THRB: variants seen among roughly 807,000 people sequenced by gnomAD.
The protein encoded by THRB is nuclear receptor subfamily 1 group A member 2.
In THRB, 12 loss-of-function variants were observed where a neutral mutation model predicts 47.8. The observed-to-expected ratio is 0.25, with a 90% CI of 0.16 to 0.41. The LOEUF is 0.41. Among genes scored for constraint, THRB ranks in the 10% least tolerant of loss-of-function variants. THRB has a pLI of 1.00. For synonymous variants in THRB, 218 were observed against 212.2 expected, an observed-to-expected ratio of 1.03 and a Z score of -0.24; for missense variants, 348 against 589.2, an observed-to-expected ratio of 0.59 and a Z score of 4.24.
chr3:24,493,057 CTT>C (rs1383435567), intron 1 of THRB, among the ~76,000 whole-genome samples: 4 of 152,204 alleles, frequency 2.6e-5, no homozygotes, highest in African/African-American at 9.6e-5. Flanking sequence ...TCACCAATGT[CTT>C]TGTATAAAAC....
At chr3:24,405,799 C>T (rs897823311) in intron 1 of THRB, among the ~76,000 whole-genome samples, 4 of 151,388 alleles carry the variant, frequency 2.6e-5, no homozygotes, top group African/African-American at 9.7e-5. Flanking sequence ...ATTTCAGTTG[C>T]ATTAAATTGT....
intron 2 of THRB, among the ~76,000 whole-genome samples, chr3:24,302,512 C>T (rs1304186727): frequency 6.6e-6 from 1 of 152,274 alleles, no homozygotes; most frequent in East Asian, 1.9e-4. Flanking sequence ...TGTCTCAAGG[C>T]CTTTGAACTT....
chr3:24,233,616 A>AAAGAAAGAAAGAAAGAAAGT, intron 3 of THRB, among the ~76,000 whole-genome samples: 2 of 150,000 alleles, frequency 1.3e-5, no homozygotes, highest in African/African-American at 4.9e-5. Context: ...AGAAAGAAAG[A>AAAGAAAGAAAGAAAGAAAGT]GAAAGAGCCT....
intron 2 of THRB, among the ~76,000 whole-genome samples, chr3:24,298,496 T>TCTTGTATTG (rs1457411611): frequency 1.3e-5 from 2 of 152,216 alleles, no homozygotes; most frequent in Non-Finnish European, 1.5e-5. Flanking sequence ...GCCTAACACA[T>TCTTGTATTG]CTTGTATTGC....
intron 2 of THRB, among the ~76,000 whole-genome samples, chr3:24,325,147 G>C (rs2058723666): frequency 6.6e-6 from 1 of 152,164 alleles, no homozygotes; most frequent in South Asian, 2.1e-4. Flanking sequence ...TAGTCTATCA[G>C]ATGAAATTAT....
chr3:24,455,663 C>T (rs1408893144), intron 1 of THRB, among the ~76,000 whole-genome samples: 1 of 152,202 alleles, frequency 6.6e-6, no homozygotes, highest in African/African-American at 2.4e-5. Flanking sequence ...CCGCCCCTTT[C>T]CAACTTTCCT....
intron 1 of THRB, among the ~76,000 whole-genome samples, chr3:24,381,247 T>G (rs1299900672): frequency 6.6e-6 from 1 of 152,084 alleles, no homozygotes; most frequent in East Asian, 1.9e-4. Flanking sequence ...TTTGAAAGAT[T>G]GTGGCCAAGG....
intron 1 of THRB, among the ~76,000 whole-genome samples, chr3:24,417,115 C>T (rs1459932408): frequency 6.6e-6 from 1 of 151,182 alleles, no homozygotes; most frequent in Non-Finnish European, 1.5e-5. Context: ...CACACACACA[C>T]ACACACACAC....
At position 24,404,341 on chromosome 3, in the gene THRB, G is replaced by C. The variant is rs546797161; in HGVS notation, c.-260-66970C>G. 3.3e-5 allele frequency among the ~76,000 whole-genome samples: 5 copies of C among 152,036 alleles called. No individual in the cohort carries two copies. The South Asian group carries it at 1.0e-3, about 32-fold the overall frequency. The stretch of plus-strand genomic sequence containing the variant: ...ACTCCATATTGCAACTGTCCTTGAA[G>C]AATCTACAACTTGTTGAGTTTTGGT... On this transcript the variant is annotated intron_variant, in intron 1 of 10. Coordinates refer to ENST00000646209, the MANE Select transcript of THRB (RefSeq NM_001354712.2).
chr3:24,241,604 G>A (rs1166655180), intron 3 of THRB, among the ~76,000 whole-genome samples: 1 of 152,144 alleles, frequency 6.6e-6, no homozygotes, highest in African/African-American at 2.4e-5. Context: ...ACACTCATTA[G>A]CTAGGTGCTA....
chr3:24,256,139 T>C (rs1437670665), intron 3 of THRB, among the ~76,000 whole-genome samples: 1 of 152,134 alleles, frequency 6.6e-6, no homozygotes, highest in Non-Finnish European at 1.5e-5. Context: ...TTTTGTGTCA[T>C]GGAACTAAGG....
In THRB at chr3:24,319,072, T is replaced by C. The variant is rs142126062; in HGVS notation, c.-189+18228A>G. On this transcript the variant is annotated intron_variant, in intron 2 of 10. Coordinates refer to ENST00000646209, the MANE Select transcript of THRB (RefSeq NM_001354712.2). ...ACAATGAGAGACTATTACATACCCA[T>C]TATAATGACTAAAATTTAAAAAGAC... Among the ~76,000 whole-genome samples, 694 of 152,324 alleles carry C rather than the reference T, an allele frequency of 4.6e-3. 4 individuals are homozygous for C. The highest frequency in any genetic ancestry group is 0.027 in the Middle Eastern group (8 of 294).
intron 4 of THRB, among the ~76,000 whole-genome samples, chr3:24,205,002 A>G (rs1236052378): frequency 2.0e-5 from 3 of 152,206 alleles, no homozygotes; most frequent in African/African-American, 7.2e-5. Context: ...ATGGGACTAT[A>G]TGAAAAGACC....
chr3:24,137,377 T>C (rs886796667), intron 8 of THRB, among the ~76,000 whole-genome samples: 13 of 152,238 alleles, frequency 8.5e-5, no homozygotes, highest in African/African-American at 2.4e-4. Context: ...TGAGGGGAGA[T>C]AGACAATAAA....
At chr3:24,232,767 G>A (rs2048380269) in intron 3 of THRB, among the ~76,000 whole-genome samples, 1 of 152,166 alleles carries the variant, frequency 6.6e-6, no homozygotes, top group Admixed American at 6.5e-5. Context: ...AACTTGAGTG[G>A]AGGTGGTGGA....
intron 3 of THRB, among the ~76,000 whole-genome samples, chr3:24,281,808 T>C (rs1367300813): frequency 1.3e-5 from 2 of 150,510 alleles, no homozygotes; most frequent in African/African-American, 2.5e-5. Context: ...AAACAGACTT[T>C]AAACCAACAA....
intron 1 of THRB, among the ~76,000 whole-genome samples, chr3:24,363,987 A>T (rs2064262277): frequency 6.6e-6 from 1 of 152,170 alleles, no homozygotes; most frequent in South Asian, 2.1e-4. Context: ...ATGGAGTCTG[A>T]GAAGTAATAC....
At chr3:24,406,069 T>C (rs992938348) in intron 1 of THRB, among the ~76,000 whole-genome samples, 1 of 151,806 alleles carries the variant, frequency 6.6e-6, no homozygotes, top group East Asian at 1.9e-4. Flanking sequence ...TATTAAATGC[T>C]TGACAGTTTT....
At position 24,206,369 on chromosome 3, in the gene THRB, A is replaced by G. The variant is rs567234316; in HGVS notation, c.23-16035T>C. On this transcript the variant is annotated intron_variant, in intron 4 of 10. Transcript: ENST00000646209. ...AACTCACTCAAAACCGCTCAACTAC[A>G]TGGAAACTGAACAACCTGCTCCTGA... 2.0e-5 allele frequency among the ~76,000 whole-genome samples: 3 copies of G among 152,342 alleles called. No individual in the cohort carries two copies. In the East Asian group the frequency reaches 5.8e-4, roughly 29 times the overall value.
Sources: gnomAD v4.1 joint callset for allele counts (sites outside exome capture counted in the v4.1 genomes callset) on GRCh38, gnomAD v4.1.1 for gene constraint, MANE v1.5 for transcripts, NCBI Gene and HGNC (gene_info 2026-07-23, HGNC 2026-07-21) for gene names.